PGAP1: variants seen among roughly 807,000 people sequenced by gnomAD.
PGAP1 encodes post-GPI attachment to proteins inositol deacylase 1.
A neutral mutation model predicts 127.0 loss-of-function variants in PGAP1; 76 were observed. That is an observed-to-expected ratio of 0.60 (90% CI 0.50 to 0.72). The LOEUF is 0.72. Ranked by LOEUF, PGAP1 falls within the 30% of genes least tolerant of loss-of-function variation. The pLI is 0.00. For synonymous variants in PGAP1, 362 were observed against 366.5 expected, an observed-to-expected ratio of 0.99 and a Z score of 0.14; for missense variants, 982 against 1,071.3, an observed-to-expected ratio of 0.92 and a Z score of 1.16.
intron 20 of PGAP1, among the ~76,000 whole-genome samples, chr2:196,856,518 GGAA>G (rs1700887943): frequency 6.6e-6 from 1 of 152,074 alleles, no homozygotes; most frequent in African/African-American, 2.4e-5. Flanking sequence ...TTTCTTCCAT[GGAA>G]TTACTAAAAA....
chr2:196,852,763 T>C (rs1403871353), intron 20 of PGAP1, among the ~76,000 whole-genome samples: 3 of 152,126 alleles, frequency 2.0e-5, no homozygotes, highest in East Asian at 1.9e-4. Context: ...CAAAACAGAA[T>C]AGTTTTTATA....
Position 196,893,046 on chromosome 2 carries a change from ACAGTTT to A in PGAP1, c.1033+88_1033+93del, listed in dbSNP as rs915040681. On this transcript the variant is annotated intron_variant, in intron 8 of 26. Coordinates refer to ENST00000354764, the MANE Select transcript of PGAP1 (RefSeq NM_024989.4). ...ATAGGATCCTAAAACTTGAAGTATC[ACAGTTT>A]CAAAGATTTTGTCTGCTATAAACAA... 6.0e-5 allele frequency: 36 copies of A among 604,404 alleles called. No homozygotes were observed. In the African/African-American group the frequency reaches 6.0e-4, roughly 10 times the overall value. 37.4% of individuals were successfully genotyped at this position (604,404 alleles called of 1,614,324 possible).
intron 5 of PGAP1, among the ~76,000 whole-genome samples, chr2:196,901,977 T>C (rs1702507174): frequency 6.6e-6 from 1 of 152,164 alleles, no homozygotes; most frequent in Non-Finnish European, 1.5e-5. Context: ...TCCTCATAAA[T>C]AAGGGTCATT....
chr2:196,919,112 G>GA (rs1703103725), intron 2 of PGAP1, among the ~76,000 whole-genome samples: 1 of 151,902 alleles, frequency 6.6e-6, no homozygotes, highest in South Asian at 2.1e-4. Flanking sequence ...GGCCTTTCCT[G>GA]ACCACCTCAT....
Position 196,864,986 on chromosome 2 carries a change from C to T in PGAP1, c.1861+1G>A. On this transcript the variant is annotated splice_donor_variant, in intron 20 of 26. Transcript: ENST00000354764. LOFTEE classifies it high-confidence loss of function. ...AACTTAAAAATTAGAAGCATTCTTA[C>T]CTGTTGAGAAAAGAGAATATAACTG... The T allele has an allele frequency of 6.7e-7, 1 of 1,493,394 alleles. No homozygotes were observed. 92.5% of individuals were successfully genotyped at this position (1,493,394 alleles called of 1,614,324 possible).
chr2:196,885,155 C>A (rs1280101335), intron 12 of PGAP1, among the ~76,000 whole-genome samples: 8 of 152,074 alleles, frequency 5.3e-5, no homozygotes, highest in Admixed American at 4.6e-4. Flanking sequence ...CCATCCAGTT[C>A]TTTTTGTATG....
chr2:196,858,368 C>T (rs1326952731), intron 20 of PGAP1, among the ~76,000 whole-genome samples: 1 of 151,530 alleles, frequency 6.6e-6, no homozygotes, highest in African/African-American at 2.4e-5. Flanking sequence ...TACCACCACA[C>T]TCCAGCCTGG....
chr2:196,926,354 C>A, intron 1 of PGAP1, 116 bp downstream of exon 1: 1 of 1,483,342 alleles, frequency 6.7e-7, no homozygotes, highest in Non-Finnish European at 9.1e-7. Flanking sequence ...GAGGCGAGGA[C>A]GGGACAGGGG....
chr2:196,926,619 TGCCGCCACCACC>T lies in PGAP1; in HGVS notation c.-15_-4del, dbSNP rs1194240585. The stretch of plus-strand genomic sequence containing the variant: ...AGATTAACTGAGTGAAGAAACATGG[TGCCGCCACCACC>T]GCCGCCGCCGCCGCCGCCCCCTCTA... On this transcript the variant is annotated 5_prime_UTR_variant, in exon 1 of 27. Transcript: ENST00000354764. 3.7e-6 allele frequency: 6 copies of T among 1,613,772 alleles called. No homozygotes were observed. In the African/African-American group the frequency reaches 4.0e-5, roughly 11 times the overall value.
intron 25 of PGAP1, 38 bp from the exon 26 acceptor site, chr2:196,842,863 G>A: frequency 1.0e-6 from 1 of 956,756 alleles, no homozygotes; most frequent in East Asian, 2.6e-5. Flanking sequence ...AATCAACAAT[G>A]ACCTGATCAT....
intron 19 of PGAP1, 95 bp from the exon 20 acceptor site, chr2:196,865,175 C>A: frequency 1.6e-6 from 1 of 631,014 alleles, no homozygotes; most frequent in Non-Finnish European, 2.7e-6. Context: ...CAATTTATAC[C>A]TGACATGGCT....
intron 23 of PGAP1, 129 bp from the exon 24 acceptor site, chr2:196,844,703 C>A: frequency 6.6e-6 from 4 of 602,692 alleles, no homozygotes; most frequent in Admixed American, 3.7e-5. Context: ...GTCATTTAAA[C>A]ATTTAAAAAC....
Position 196,892,316 on chromosome 2 carries a change from T to A in PGAP1, c.1089+30A>T, listed in dbSNP as rs1702124442. 2.6e-6 allele frequency: 3 copies of A among 1,160,396 alleles called. No homozygotes were observed. The African/African-American group carries it at 4.7e-5, about 18-fold the overall frequency. The allele number at this position is 1,160,396 out of a possible 1,614,324, so 71.9% of individuals were successfully genotyped here. ...TACTAAATTATTTCTGGAAAAAACATGAAAAAAAATCCATTGGTGGAATAC... is the reference window on the plus strand; with the variant it reads ...TACTAAATTATTTCTGGAAAAAACAAGAAAAAAAATCCATTGGTGGAATAC... On this transcript the variant is annotated intron_variant, in intron 9 of 26. Coordinates refer to ENST00000354764, the MANE Select transcript of PGAP1 (RefSeq NM_024989.4).
rs1225235471 is a variant in PGAP1, at chr2:196,835,091, A to T, written c.*6143T>A. The stretch of plus-strand genomic sequence containing the variant: ...ATTTCCTTAGAATCTTTATGGGGAG[A>T]AATTGAAGCACTTAATGCTGATAAA... On this transcript the variant is annotated 3_prime_UTR_variant, in exon 27 of 27. Coordinates refer to ENST00000354764, the MANE Select transcript of PGAP1 (RefSeq NM_024989.4). The T allele has an allele frequency of 2.0e-5, 3 of 152,022 alleles. No individual in the cohort carries two copies. Among genetic ancestry groups the T allele is most frequent in the Non-Finnish European group, 4.4e-5 (3 of 67,878 alleles). The allele number at this position is 152,022 out of a possible 1,614,324, so 9.4% of individuals were successfully genotyped here.
At chr2:196,875,620 C>T (rs1187001982) in intron 14 of PGAP1, 126 bp downstream of exon 14, 1 of 632,658 alleles carries the variant, frequency 1.6e-6, no homozygotes, top group African/African-American at 1.9e-5. Context: ...CACTGAACCA[C>T]ATCATATAGT....
intron 10 of PGAP1, among the ~76,000 whole-genome samples, chr2:196,887,340 C>T (rs997130356): frequency 6.6e-6 from 1 of 151,938 alleles, no homozygotes; most frequent in African/African-American, 2.4e-5. Context: ...GCCGAGATCG[C>T]GCCACTGCAC....
chr2:196,880,122 G>T lies in PGAP1; in HGVS notation c.1304C>A (p.Ser435Tyr). The change falls in exon 13 of 27, where the codon TCT (serine) becomes TAT (tyrosine). Residue 435 changes from serine to tyrosine, a missense_variant. By Grantham distance (144) the Ser-to-Tyr change is moderately radical (BLOSUM62 -2). Transcript: ENST00000354764. ...YLTLRLQDYP[S>Y]LSHLVVYVPS... ...TACATAAACAACAAGATGAGACAAA[G>T]ATGGATAGTCTTGAAGTCTTAATGT... 6.3e-7 allele frequency: 1 copy of T among 1,592,076 alleles called. No individual in the cohort carries two copies. Among genetic ancestry groups the T allele is most frequent in the Middle Eastern group, 1.7e-4 (1 of 5,990 alleles).
At chr2:196,871,651 C>G (rs774584317) in intron 18 of PGAP1, among the ~76,000 whole-genome samples, 1 of 152,092 alleles carries the variant, frequency 6.6e-6, no homozygotes, top group Non-Finnish European at 1.5e-5. Flanking sequence ...TCCATGAAAT[C>G]TAAATTAATT....
intron 10 of PGAP1, among the ~76,000 whole-genome samples, chr2:196,886,407 C>T (rs1487263752): frequency 6.6e-6 from 1 of 151,834 alleles, no homozygotes; most frequent in African/African-American, 2.4e-5. Flanking sequence ...GTGATCTGCC[C>T]GCCTCGGCCT....
Sources: gnomAD v4.1 joint callset for allele counts (sites outside exome capture counted in the v4.1 genomes callset) on GRCh38, gnomAD v4.1.1 for gene constraint, MANE v1.5 for transcripts, NCBI Gene and HGNC (gene_info 2026-07-23, HGNC 2026-07-21) for gene names.